LELP1: variants seen among roughly 807,000 people sequenced by gnomAD.
LELP1 encodes the protein late cornified envelope like proline rich 1, also known as late cornified envelope-like proline-rich protein 1.
In LELP1, 1 loss-of-function variant was observed where a neutral mutation model predicts 0.3. That is an observed-to-expected ratio of 2.87 (90% CI 1.02 to 13.63). The LOEUF is 13.63. Ranked by LOEUF, LELP1 falls within the 30% of genes most tolerant of loss-of-function variation. The pLI is 0.12. For synonymous variants in LELP1, 57 were observed against 45.9 expected (o/e 1.24, Z -0.97); for missense variants, 122 against 118.7 (o/e 1.03, Z -0.13).
chr1:153,204,855 G>C lies in LELP1; in HGVS notation c.148G>C (p.Glu50Gln). The change falls in exon 2 of 2, where the codon GAA (glutamate) becomes CAA (glutamine). Residue 50 changes from glutamate to glutamine, a missense_variant. Coordinates refer to ENST00000368747, the MANE Select transcript of LELP1 (RefSeq NM_001010857.3). The part of the protein sequence containing the change: ...LQRCFEKCPW[E>Q]KCPAPPKCLP... ...ACGCTGTTTCGAAAAGTGCCCATGG[G>C]AAAAGTGTCCAGCACCACCCAAGTG... is the stretch of plus-strand genomic sequence containing the variant. The C allele has an allele frequency of 6.2e-7, 1 of 1,614,058 alleles. No individual in the cohort carries two copies. Among genetic ancestry groups the C allele is most frequent in the Non-Finnish European group, 8.5e-7 (1 of 1,180,026 alleles).
intron 1 of LELP1, among the ~76,000 whole-genome samples, 177 bp downstream of exon 1, chr1:153,203,708 A>T (rs1374221084): frequency 6.6e-6 from 1 of 152,214 alleles, no homozygotes; most frequent in African/African-American, 2.4e-5. Context: ...GAGTCTCAAC[A>T]ATTTTAGAGT....
In LELP1 at chr1:153,204,781, A is replaced by G. The variant is rs754528072; in HGVS notation, c.74A>G (p.Gln25Arg). 2 of 1,614,078 alleles carry G rather than the reference A, an allele frequency of 1.2e-6. No homozygotes were observed. Among genetic ancestry groups the G allele is most frequent in the Non-Finnish European group, 1.7e-6 (2 of 1,180,008 alleles). ...AAGAACTGCGATCCCAAGTGTGAAC[A>G]AAAGTGTGAGTCCAAATGCCAGCCC... Reference protein sequence around the residue: ...EPKNCDPKCEQKCESKCQPSC... With the variant: ...EPKNCDPKCERKCESKCQPSC... Residue 25 changes from glutamine (Q) to arginine (R), a missense_variant, in exon 2 of 2, where the codon CAA (glutamine) becomes CGA (arginine). Coordinates refer to ENST00000368747, the MANE Select transcript of LELP1 (RefSeq NM_001010857.3).
In LELP1 at chr1:153,204,694, A is replaced by C; in HGVS notation, c.-14A>C. 1 of 1,611,222 alleles carries C rather than the reference A, an allele frequency of 6.2e-7. No individual in the cohort carries two copies. Among genetic ancestry groups the C allele is most frequent in the Non-Finnish European group, 8.5e-7 (1 of 1,177,638 alleles). Reference sequence around the variant, plus strand: ...TCTCATATTTCTTTGCAGGGCTCAGATAATCAAGAAACAATGTCGAGTGAT... The same window carrying C: ...TCTCATATTTCTTTGCAGGGCTCAGCTAATCAAGAAACAATGTCGAGTGAT... On this transcript the variant is annotated 5_prime_UTR_variant, in exon 2 of 2. Coordinates refer to ENST00000368747, the MANE Select transcript of LELP1 (RefSeq NM_001010857.3).
At position 153,205,021 on chromosome 1, in the gene LELP1, C is replaced by T. The variant is rs1251732665; in HGVS notation, c.*17C>T. On this transcript the variant is annotated 3_prime_UTR_variant, in exon 2 of 2. Coordinates refer to ENST00000368747, the MANE Select transcript of LELP1 (RefSeq NM_001010857.3). ...CCAGAGTGAGGCACTGTGGGCACTA[C>T]CCAACCCCACCACCACTGCCACCTC... 2 of 1,589,968 alleles carry T rather than the reference C, an allele frequency of 1.3e-6. No individual in the cohort carries two copies. Among genetic ancestry groups the T allele is most frequent in the African/African-American group, 1.3e-5 (1 of 74,340 alleles).
At position 153,204,893 on chromosome 1, in the gene LELP1, C is replaced by T; in HGVS notation, c.186C>T (p.Pro62=). The T allele has an allele frequency of 6.2e-7, 1 of 1,614,092 alleles. No homozygotes were observed. The highest frequency in any genetic ancestry group is 8.5e-7 in the Non-Finnish European group (1 of 1,179,970). Residue 62 remains proline, a synonymous_variant, in exon 2 of 2, where the codon CCC becomes CCT. Transcript: ENST00000368747. ...CPAPPKCLPC[P]SQSPSSCPPQ... ...CACCACCCAAGTGCCTGCCCTGCCC[C>T]TCGCAGTCTCCTTCATCCTGCCCTC...
chr1:153,204,980 A>G lies in LELP1; in HGVS notation c.273A>G (p.Pro91=). ...KCPSSCPHAC[P]PPCPPPE is the part of the protein sequence containing the mutation. ...CTTCATCCTGCCCACATGCTTGCCC[A>G]CCTCCCTGCCCTCCCCCAGAGTGAG... Residue 91 remains proline, a synonymous_variant, in exon 2 of 2, where the codon CCA becomes CCG. Transcript: ENST00000368747. The G allele has an allele frequency of 6.2e-7, 1 of 1,611,742 alleles. No individual in the cohort carries two copies. Among genetic ancestry groups the G allele is most frequent in the Non-Finnish European group, 8.5e-7 (1 of 1,178,932 alleles).
In LELP1 at chr1:153,204,819, A is replaced by G; in HGVS notation, c.112A>G (p.Lys38Glu). ...CAAATGCCAGCCCAGCTGTTTAAAG[A>G]AGCTGCTGCAACGCTGTTTCGAAAA... ...ESKCQPSCLKKLLQRCFEKCP... is the reference protein window; with the variant it reads ...ESKCQPSCLKELLQRCFEKCP... Residue 38 changes from lysine (K) to glutamate (E), a missense_variant, in exon 2 of 2, where the codon AAG (lysine) becomes GAG (glutamate). Lys to Glu is a moderately conservative substitution (Grantham distance 56, BLOSUM62 1). Coordinates refer to ENST00000368747, the MANE Select transcript of LELP1 (RefSeq NM_001010857.3). The G allele has an allele frequency of 6.2e-7, 1 of 1,614,212 alleles. No homozygotes were observed. The highest frequency in any genetic ancestry group is 8.5e-7 in the Non-Finnish European group (1 of 1,180,034).
chr1:153,204,720 G>A lies in LELP1; in HGVS notation c.13G>A (p.Asp5Asn), dbSNP rs753758248. The change falls in exon 2 of 2, where the codon GAT becomes AAT. Residue 5 changes from aspartate to asparagine, a missense_variant. Physicochemically the swap from Asp to Asn is conservative, Grantham distance 23 (BLOSUM62 1). Coordinates refer to ENST00000368747, the MANE Select transcript of LELP1 (RefSeq NM_001010857.3). MSSD[D>N]KSKSNDPKTE... ...TAATCAAGAAACAATGTCGAGTGATGATAAAAGTAAATCAAATGACCCCAA... is the reference window on the plus strand; with the variant it reads ...TAATCAAGAAACAATGTCGAGTGATAATAAAAGTAAATCAAATGACCCCAA... 17 of 1,613,630 alleles carry A rather than the reference G, an allele frequency of 1.1e-5. No homozygotes were observed. Among genetic ancestry groups the A allele is most frequent in the Non-Finnish European group, 1.4e-5 (17 of 1,179,714 alleles).
chr1:153,203,891 C>G (rs182142422), intron 1 of LELP1, among the ~76,000 whole-genome samples: 1 of 152,134 alleles, frequency 6.6e-6, no homozygotes, highest in African/African-American at 2.4e-5. Flanking sequence ...ACTGTCCGTG[C>G]AGAAATGCCT....
chr1:153,204,978 C>A lies in LELP1; in HGVS notation c.271C>A (p.Pro91Thr), dbSNP rs1270177841. Reference sequence around the variant, plus strand: ...CCCTTCATCCTGCCCACATGCTTGCCCACCTCCCTGCCCTCCCCCAGAGTG... The same window carrying A: ...CCCTTCATCCTGCCCACATGCTTGCACACCTCCCTGCCCTCCCCCAGAGTG... ...KCPSSCPHAC[P>T]PPCPPPE is the part of the protein sequence containing the mutation. Residue 91 changes from proline to threonine, a missense_variant, in exon 2 of 2, where the codon CCA becomes ACA. Coordinates refer to ENST00000368747, the MANE Select transcript of LELP1 (RefSeq NM_001010857.3). The A allele has an allele frequency of 2.5e-6, 4 of 1,613,426 alleles. No homozygotes were observed. The highest frequency in any genetic ancestry group is 2.5e-6 in the Non-Finnish European group (3 of 1,179,586).
At position 153,204,853 on chromosome 1, in the gene LELP1, G is replaced by T; in HGVS notation, c.146G>T (p.Trp49Leu). The change falls in exon 2 of 2, where the codon TGG becomes TTG. Residue 49 changes from tryptophan to leucine, a missense_variant. Coordinates refer to ENST00000368747, the MANE Select transcript of LELP1 (RefSeq NM_001010857.3). ...CAACGCTGTTTCGAAAAGTGCCCAT[G>T]GGAAAAGTGTCCAGCACCACCCAAG... Reference protein sequence around the residue: ...LLQRCFEKCPWEKCPAPPKCL... With the variant: ...LLQRCFEKCPLEKCPAPPKCL... The T allele has an allele frequency of 6.2e-7, 1 of 1,614,024 alleles. No homozygotes were observed. The highest frequency in any genetic ancestry group is 8.5e-7 in the Non-Finnish European group (1 of 1,180,026).
Position 153,204,896 on chromosome 1 carries a change from G to T in LELP1, c.189G>T (p.Ser63=), listed in dbSNP as rs142043671. Residue 63 remains serine, a synonymous_variant, in exon 2 of 2, where the codon TCG becomes TCT. Coordinates refer to ENST00000368747, the MANE Select transcript of LELP1 (RefSeq NM_001010857.3). The part of the protein sequence containing the change: ...PAPPKCLPCP[S]QSPSSCPPQP... Reference sequence around the variant, plus strand: ...CACCCAAGTGCCTGCCCTGCCCCTCGCAGTCTCCTTCATCCTGCCCTCCCC... The same window carrying T: ...CACCCAAGTGCCTGCCCTGCCCCTCTCAGTCTCCTTCATCCTGCCCTCCCC... 1.1e-5 allele frequency: 17 copies of T among 1,613,824 alleles called. 1 individual carries two copies. In the Admixed American group the frequency reaches 1.5e-4, roughly 14 times the overall value.
Position 153,204,723 on chromosome 1 carries a change from A to G in LELP1, c.16A>G (p.Lys6Glu), listed in dbSNP as rs1243394525. 6.2e-7 allele frequency: 1 copy of G among 1,613,654 alleles called. No individual in the cohort carries two copies. The highest frequency in any genetic ancestry group is 1.3e-5 in the African/African-American group (1 of 74,898). The change falls in exon 2 of 2, where the codon AAA becomes GAA. Residue 6 changes from lysine to glutamate, a missense_variant. Physicochemically the swap from Lys to Glu is moderately conservative, Grantham distance 56. Coordinates refer to ENST00000368747, the MANE Select transcript of LELP1 (RefSeq NM_001010857.3). ...TCAAGAAACAATGTCGAGTGATGAT[A>G]AAAGTAAATCAAATGACCCCAAGAC... Reference protein sequence around the residue: MSSDDKSKSNDPKTEP... With the variant: MSSDDESKSNDPKTEP...
Position 153,204,790 on chromosome 1 carries a change from A to G in LELP1, c.83A>G (p.Glu28Gly), listed in dbSNP as rs201395689. ...NCDPKCEQKC[E>G]SKCQPSCLKK... ...GATCCCAAGTGTGAACAAAAGTGTG[A>G]GTCCAAATGCCAGCCCAGCTGTTTA... The change falls in exon 2 of 2, where the codon GAG (glutamate) becomes GGG (glycine). Residue 28 changes from glutamate (E) to glycine (G), a missense_variant. Transcript: ENST00000368747. 2.5e-6 allele frequency: 4 copies of G among 1,614,028 alleles called. No homozygotes were observed. Among genetic ancestry groups the G allele is most frequent in the Non-Finnish European group, 3.4e-6 (4 of 1,179,984 alleles).
rs1657693850 is a variant in LELP1, at chr1:153,203,495, C to T, written c.-58C>T. On this transcript the variant is annotated 5_prime_UTR_variant, in exon 1 of 2. Transcript: ENST00000368747. ...AGGCACAGCCATAACATCCACCTCA[C>T]TCAACTGCTTGTCAAGTTCACCACC... 1 of 152,238 alleles carries T rather than the reference C, an allele frequency of 6.6e-6. No individual in the cohort carries two copies. The highest frequency in any genetic ancestry group is 1.9e-4 in the East Asian group (1 of 5,184). The allele number at this position is 152,238 out of a possible 1,614,324, so 9.4% of individuals were successfully genotyped here.
chr1:153,204,592 C>T (rs766327435), intron 1 of LELP1, 95 bp from the exon 2 acceptor site: 1 of 844,428 alleles, frequency 1.2e-6, no homozygotes, highest in Non-Finnish European at 1.9e-6. Context: ...AGCCTGAATG[C>T]ATCTCAGGGA....
Position 153,205,086 on chromosome 1 carries a change from G to A in LELP1, c.*82G>A. ...CTGTGGGGCTGGAGACTGAAACCAT[G>A]AACTGACAAGTAAACGTGTTCCTCT... On this transcript the variant is annotated 3_prime_UTR_variant, in exon 2 of 2. Coordinates refer to ENST00000368747, the MANE Select transcript of LELP1 (RefSeq NM_001010857.3). 1 of 1,037,720 alleles carries A rather than the reference G, an allele frequency of 9.6e-7. No individual in the cohort carries two copies. Among genetic ancestry groups the A allele is most frequent in the Non-Finnish European group, 1.4e-6 (1 of 696,436 alleles). The allele number at this position is 1,037,720 out of a possible 1,614,324, so 64.3% of individuals were successfully genotyped here.
rs1657721638 is a variant in LELP1 at position 153,204,942 on chromosome 1, C to A, written c.235C>A (p.Pro79Thr). Reference protein sequence around the residue: ...CPPQPCTKPCPPKCPSSCPHA... With the variant: ...CPPQPCTKPCTPKCPSSCPHA... ...TCCCCAGCCCTGCACCAAGCCCTGT[C>A]CTCCTAAATGCCCTTCATCCTGCCC... is the stretch of plus-strand genomic sequence containing the variant. The change falls in exon 2 of 2, where the codon CCT becomes ACT. Residue 79 changes from proline to threonine, a missense_variant. By Grantham distance (38) the Pro-to-Thr change is conservative. Coordinates refer to ENST00000368747, the MANE Select transcript of LELP1 (RefSeq NM_001010857.3). 2 of 1,613,888 alleles carry A rather than the reference C, an allele frequency of 1.2e-6. No homozygotes were observed. Among genetic ancestry groups the A allele is most frequent in the African/African-American group, 1.3e-5 (1 of 74,884 alleles).
rs1211627626 is a variant in LELP1, at chr1:153,205,102, G to A, written c.*98G>A. On this transcript the variant is annotated 3_prime_UTR_variant, in exon 2 of 2. Coordinates refer to ENST00000368747, the MANE Select transcript of LELP1 (RefSeq NM_001010857.3). ...TGAAACCATGAACTGACAAGTAAAC[G>A]TGTTCCTCTGCTGTGCAAGACTTCT... 1.7e-5 allele frequency: 16 copies of A among 917,908 alleles called. No individual in the cohort carries two copies. The highest frequency in any genetic ancestry group is 6.5e-5 in the South Asian group (4 of 61,946). The allele number at this position is 917,908 out of a possible 1,614,324, so 56.9% of individuals were successfully genotyped here. A position where few individuals can be genotyped will look rare whatever the true frequency, so the allele number is the denominator to read the frequency against.
Sources: gnomAD v4.1 joint callset for allele counts (sites outside exome capture counted in the v4.1 genomes callset) on GRCh38, gnomAD v4.1.1 for gene constraint, MANE v1.5 for transcripts, NCBI Gene and HGNC (gene_info 2026-07-23, HGNC 2026-07-21) for gene names.